The following FRMD4B variants were observed in gnomAD, a reference collection of about 807,000 sequenced individuals.
FRMD4B encodes the protein FERM domain-containing protein 4B.
In FRMD4B, 74 loss-of-function variants were observed where a neutral mutation model predicts 141.5. The observed-to-expected ratio is 0.52, with a 90% CI of 0.43 to 0.63. The LOEUF is 0.63. FRMD4B is among the 30% of genes least tolerant of loss of function. FRMD4B has a pLI of 0.00. For synonymous variants in FRMD4B, 506 were observed against 467.9 expected (o/e 1.08, Z -1.05); for missense variants, 1,366 against 1,253.4 (o/e 1.09, Z -1.36).
At chr3:69,276,503 G>C (rs1413915437) in intron 5 of FRMD4B, among the ~76,000 whole-genome samples, 1 of 152,050 alleles carries the variant, frequency 6.6e-6, no homozygotes, top group African/African-American at 2.4e-5. Flanking sequence ...CAATCTCCTG[G>C]GCTCAAGCAA....
At chr3:69,374,858 A>T (rs1318517584) in intron 1 of FRMD4B, among the ~76,000 whole-genome samples, 1 of 152,168 alleles carries the variant, frequency 6.6e-6, no homozygotes, top group African/African-American at 2.4e-5. Context: ...GGGTGGTGAG[A>T]GGAATGAGTC....
chr3:69,277,589 C>G (rs2093623902), intron 5 of FRMD4B, among the ~76,000 whole-genome samples: 1 of 124,864 alleles, frequency 8.0e-6, no homozygotes, highest in African/African-American at 3.1e-5. Flanking sequence ...GTTGCGCAAT[C>G]TCAGCTCACT....
chr3:69,217,226 T>C (rs2107731594), intron 10 of FRMD4B, among the ~76,000 whole-genome samples: 1 of 152,366 alleles, frequency 6.6e-6, no homozygotes, highest in East Asian at 1.9e-4. Flanking sequence ...CATAAATTTA[T>C]CTTTTATGTT....
chr3:69,377,875 A>G (rs1704014599), intron 1 of FRMD4B, among the ~76,000 whole-genome samples: 1 of 150,784 alleles, frequency 6.6e-6, no homozygotes, highest in Non-Finnish European at 1.5e-5. Context: ...CAATGACGTG[A>G]TCTCTGCTCA....
At chr3:69,454,392 T>C (rs1038035234) in intron 1 of FRMD4B, among the ~76,000 whole-genome samples, 1 of 152,186 alleles carries the variant, frequency 6.6e-6, no homozygotes, top group African/African-American at 2.4e-5. Context: ...CTCTCTGGGC[T>C]GGTTGAGGCC....
rs116560653 is a variant in FRMD4B at position 69,359,743 on chromosome 3, A to G, written c.162+26085T>C. On this transcript the variant is annotated intron_variant, in intron 1 of 22. Transcript: ENST00000398540. ...CTGTCTGTTTCACAGGTTGAAGGCC[A>G]TGACTTTTGACTTGGTTTTACCATA... Among the ~76,000 whole-genome samples, 1,325 of 152,328 alleles carry G rather than the reference A, an allele frequency of 8.7e-3. 23 individuals are homozygous for G. Among genetic ancestry groups the G allele is most frequent in the African/African-American group, 0.029 (1,196 of 41,572 alleles).
intron 1 of FRMD4B, among the ~76,000 whole-genome samples, chr3:69,488,893 A>G (rs1261138679): frequency 7.7e-4 from 12 of 15,590 alleles, no homozygotes; most frequent in African/African-American, 3.6e-3. Context: ...ACTCCATCTA[A>G]AAAAAAAAAA....
intron 3 of FRMD4B, among the ~76,000 whole-genome samples, chr3:69,304,534 C>A (rs534729408): frequency 6.7e-6 from 1 of 149,894 alleles, no homozygotes; most frequent in South Asian, 2.1e-4. Context: ...TCTCTGAGTG[C>A]CACTTCTGTA....
At chr3:69,428,262 C>G (rs1182954431) in intron 2 of FRMD4B, among the ~76,000 whole-genome samples, 1 of 151,340 alleles carries the variant, frequency 6.6e-6, no homozygotes, top group Non-Finnish European at 1.5e-5. Flanking sequence ...AGCTGTGTGA[C>G]CTGGGGCATG....
Position 69,287,825 on chromosome 3 carries a change from T to C in FRMD4B, c.428A>G (p.Glu143Gly). ...TTTATCCTTTAAAAACGATATGCTCTCAATGTAAAACCTGAAAAACAGCAG... is the reference window on the plus strand; with the variant it reads ...TTTATCCTTTAAAAACGATATGCTCCCAATGTAAAACCTGAAAAACAGCAG... ...ILHFAVRFYI[E>G]SISFLKDKTT... Residue 143 changes from glutamate to glycine, a missense_variant, in exon 5 of 23, where the codon GAG (glutamate) becomes GGG (glycine). Glu to Gly is a moderately conservative substitution (Grantham distance 98). Transcript: ENST00000398540. The C allele has an allele frequency of 6.4e-7, 1 of 1,562,236 alleles. No homozygotes were observed. Among genetic ancestry groups the C allele is most frequent in the Non-Finnish European group, 8.8e-7 (1 of 1,139,790 alleles).
intron 1 of FRMD4B, among the ~76,000 whole-genome samples, chr3:69,454,415 T>C (rs560765352): frequency 6.6e-6 from 1 of 152,264 alleles, no homozygotes; most frequent in East Asian, 1.9e-4. Flanking sequence ...AGCCACTCCC[T>C]CTGCTTGCTG....
At chr3:69,265,373 G>C (rs113356555) in intron 5 of FRMD4B, among the ~76,000 whole-genome samples, 4,478 of 143,836 alleles carry the variant, frequency 0.031, 132 homozygotes, top group East Asian at 0.094. Context: ...TCCCCAGGTA[G>C]CAGCCCAGGT....
chr3:69,185,278 G>A (rs1347194872), intron 19 of FRMD4B, among the ~76,000 whole-genome samples: 3 of 147,638 alleles, frequency 2.0e-5, no homozygotes, highest in Non-Finnish European at 4.5e-5. Context: ...TCCAGCCTGG[G>A]TGGCAGAGTG....
At chr3:69,533,890 CTTCCTA>C (rs1701041643) in intron 1 of FRMD4B, among the ~76,000 whole-genome samples, 1 of 152,210 alleles carries the variant, frequency 6.6e-6, no homozygotes. Context: ...CACATCTCCT[CTTCCTA>C]ACATGATTAC....
At position 69,224,837 on chromosome 3, in the gene FRMD4B, A is replaced by C; in HGVS notation, c.582-147T>G. The C allele has an allele frequency of 6.9e-6, 4 of 580,888 alleles. No homozygotes were observed. The East Asian group carries it at 1.2e-4, about 17-fold the overall frequency. The allele number at this position is 580,888 out of a possible 1,614,324, so 36.0% of individuals were successfully genotyped here. A position where few individuals can be genotyped will look rare whatever the true frequency, so the allele number is the denominator to read the frequency against. Reference sequence around the variant, plus strand: ...ATGGTTATGGACTCTAACTAGAAGCAGCCCCCAAATTTAACAACTGAGTTA... The same window carrying C: ...ATGGTTATGGACTCTAACTAGAAGCCGCCCCCAAATTTAACAACTGAGTTA... On this transcript the variant is annotated intron_variant, in intron 7 of 22. Transcript: ENST00000398540.
rs528347593 is a variant in FRMD4B at position 69,284,932 on chromosome 3, T to C, written c.501+2820A>G. On this transcript the variant is annotated intron_variant, in intron 5 of 22. Transcript: ENST00000398540. ...ATCCCAGCACTTTGGGAGGCTGAGGTGGGAGGATCACCTGAGGTCAGGAGG... is the reference window on the plus strand; with the variant it reads ...ATCCCAGCACTTTGGGAGGCTGAGGCGGGAGGATCACCTGAGGTCAGGAGG... Among the ~76,000 whole-genome samples, 16 of 151,938 alleles carry C rather than the reference T, an allele frequency of 1.1e-4. No individual in the cohort carries two copies. In the East Asian group the frequency reaches 2.9e-3, roughly 28 times the overall value.
chr3:69,374,478 T>G (rs913658491), intron 1 of FRMD4B, among the ~76,000 whole-genome samples: 1 of 152,206 alleles, frequency 6.6e-6, no homozygotes, highest in Non-Finnish European at 1.5e-5. Context: ...ATGATGCTTA[T>G]AATAACCAGG....
At chr3:69,391,900 C>T in intron 2 of FRMD4B, among the ~76,000 whole-genome samples, 1 of 152,190 alleles carries the variant, frequency 6.6e-6, no homozygotes, top group Non-Finnish European at 1.5e-5. Context: ...CAGAAAGCAC[C>T]TCCATACATT....
chr3:69,289,338 A>G, intron 4 of FRMD4B, among the ~76,000 whole-genome samples: 1 of 152,328 alleles, frequency 6.6e-6, no homozygotes, highest in Non-Finnish European at 1.5e-5. Context: ...CTTTCAATTT[A>G]TCAGGTCTAG....
Sources: gnomAD v4.1 joint callset for allele counts (sites outside exome capture counted in the v4.1 genomes callset) on GRCh38, gnomAD v4.1.1 for gene constraint, MANE v1.5 for transcripts, NCBI Gene and HGNC (gene_info 2026-07-23, HGNC 2026-07-21) for gene names.